MMP26: variants seen among roughly 807,000 people sequenced by gnomAD.
MMP26 encodes matrix metallopeptidase 26, also known as matrix metalloproteinase-26.
In MMP26, 33 loss-of-function variants were observed where a neutral mutation model predicts 31.0. That is an observed-to-expected ratio of 1.06 (90% CI 0.81 to 1.42). MMP26 has a LOEUF of 1.42. MMP26 is among the 40% of genes most tolerant of loss of function. MMP26 has a pLI of 0.00. For missense variants in MMP26, 347 were observed against 316.1 expected (o/e 1.10, Z -0.74); for synonymous variants, 122 against 114.9 (o/e 1.06, Z -0.40).
intron 2 of MMP26, among the ~76,000 whole-genome samples, chr11:4,978,738 C>T (rs960639400): frequency 2.0e-5 from 3 of 152,132 alleles, no homozygotes; most frequent in Non-Finnish European, 4.4e-5. Flanking sequence ...AGTGTAATTT[C>T]ATTACTTTGT....
rs1176183037 is a variant in MMP26 at position 4,781,343 on chromosome 11, C to T, written c.-145+14002C>T. On this transcript the variant is annotated intron_variant, in intron 2 of 7. Transcript: ENST00000380390. ...TGGGTGGATCATGAGGTCAGGAGATCGAGACCATCCTGGCTAACAAGGTGA... is the reference window on the plus strand; with the variant it reads ...TGGGTGGATCATGAGGTCAGGAGATTGAGACCATCCTGGCTAACAAGGTGA... Among the ~76,000 whole-genome samples the T allele has an allele frequency of 4.0e-4, 29 of 71,614 alleles. 3 individuals are homozygous for T. The highest frequency in any genetic ancestry group is 2.0e-4 in the East Asian group (1 of 4,964). 47.0% of individuals were successfully genotyped at this position (71,614 alleles called of 152,430 possible).
chr11:4,957,187 A>G (rs1846455798), intron 2 of MMP26, among the ~76,000 whole-genome samples: 1 of 152,204 alleles, frequency 6.6e-6, no homozygotes, highest in Non-Finnish European at 1.5e-5. Context: ...GCAATTTTTA[A>G]ATTAAGATAC....
chr11:4,864,724 C>G (rs1008805253), intron 2 of MMP26, among the ~76,000 whole-genome samples: 5 of 152,022 alleles, frequency 3.3e-5, no homozygotes, highest in African/African-American at 1.2e-4. Flanking sequence ...ATGCAACCCC[C>G]CTGAGTGTTA....
intron 1 of MMP26, chr11:4,736,525 T>A (rs1589886954): frequency 1.3e-5 from 2 of 152,374 alleles, no homozygotes; most frequent in South Asian, 4.1e-4. Flanking sequence ...TTGATCTTAT[T>A]GTCAGAACAT....
intron 1 of MMP26, among the ~76,000 whole-genome samples, chr11:4,740,925 T>C (rs1452411174): frequency 2.0e-5 from 3 of 152,172 alleles, no homozygotes; most frequent in Non-Finnish European, 4.4e-5. Context: ...TGCCAAGATG[T>C]ATTGAAAGGA....
At chr11:4,717,815 C>T (rs115865721) in intron 1 of MMP26, among the ~76,000 whole-genome samples, 62 of 152,246 alleles carry the variant, frequency 4.1e-4, no homozygotes, top group African/African-American at 1.4e-3. Context: ...GGTAACCCAG[C>T]TGGTAAATGT....
At chr11:4,760,027 TTCTTATCTAGCC>T (rs1263536398) in intron 1 of MMP26, among the ~76,000 whole-genome samples, 1 of 152,244 alleles carries the variant, frequency 6.6e-6, no homozygotes, top group Non-Finnish European at 1.5e-5. Context: ...AAAGGCCTTA[TTCTTATCTAGCC>T]TCTAATTAGT....
At chr11:4,754,016 A>C (rs1027193131) in intron 1 of MMP26, among the ~76,000 whole-genome samples, 2 of 151,972 alleles carry the variant, frequency 1.3e-5, no homozygotes. Context: ...TGTGTTAATG[A>C]TAAGACCATT....
At chr11:4,726,168 A>G (rs1848096646) in intron 1 of MMP26, among the ~76,000 whole-genome samples, 1 of 152,208 alleles carries the variant, frequency 6.6e-6, no homozygotes, top group African/African-American at 2.4e-5. Flanking sequence ...ATCTTATGAC[A>G]ATATCGAATA....
intron 2 of MMP26, among the ~76,000 whole-genome samples, chr11:4,972,239 G>T (rs1846675819): frequency 6.6e-6 from 1 of 152,130 alleles, no homozygotes; most frequent in African/African-American, 2.4e-5. Flanking sequence ...ACAATATGGA[G>T]ATAAATATGA....
intron 2 of MMP26, chr11:4,882,798 C>A (rs1292170694): frequency 1.9e-6 from 3 of 1,613,854 alleles, no homozygotes; most frequent in Non-Finnish European, 2.5e-6. Context: ...AAGACCAAGA[C>A]AATCCGCCAG....
intron 2 of MMP26, among the ~76,000 whole-genome samples, chr11:4,967,106 T>TGAAAG (rs1284496432): frequency 6.6e-6 from 1 of 152,162 alleles, no homozygotes; most frequent in Admixed American, 6.5e-5. Flanking sequence ...AAAGGTTTGG[T>TGAAAG]GAAAGGATAG....
chr11:4,814,874 T>C (rs1849399459), intron 2 of MMP26, among the ~76,000 whole-genome samples: 3 of 152,132 alleles, frequency 2.0e-5, no homozygotes, highest in Admixed American at 2.0e-4. Flanking sequence ...TCTCAATCAA[T>C]TTAGAAAATT....
At chr11:4,790,166 C>T (rs1849004498) in intron 2 of MMP26, among the ~76,000 whole-genome samples, 1 of 151,852 alleles carries the variant, frequency 6.6e-6, no homozygotes, top group Admixed American at 6.6e-5. Context: ...ATAGTGAAAC[C>T]CCGTCTCTAC....
intron 2 of MMP26, among the ~76,000 whole-genome samples, chr11:4,874,440 A>G (rs1482064269): frequency 6.6e-6 from 1 of 151,910 alleles, no homozygotes; most frequent in Non-Finnish European, 1.5e-5. Context: ...CTCCTATTTC[A>G]TTTATTTAAA....
intron 3 of MMP26, among the ~76,000 whole-genome samples, chr11:4,989,416 AT>A (rs1258498115): frequency 1.3e-5 from 2 of 152,164 alleles, no homozygotes; most frequent in Non-Finnish European, 2.9e-5. Flanking sequence ...TTTTAAAAAA[AT>A]GTTATAGTTT....
intron 2 of MMP26, chr11:4,915,682 G>T (rs181262895): frequency 1.3e-5 from 21 of 1,582,886 alleles, no homozygotes; most frequent in Non-Finnish European, 1.6e-5. Context: ...GAGACAAGGG[G>T]GAAGGTGGGT....
At chr11:4,790,380 A>G (rs901995793) in intron 2 of MMP26, among the ~76,000 whole-genome samples, 3 of 152,142 alleles carry the variant, frequency 2.0e-5, no homozygotes, top group African/African-American at 4.8e-5. Flanking sequence ...AGCAATTATT[A>G]AATAGTTTCA....
At chr11:4,708,283 G>A (rs771324073) in intron 1 of MMP26, among the ~76,000 whole-genome samples, 3 of 152,038 alleles carry the variant, frequency 2.0e-5, no homozygotes, top group African/African-American at 4.8e-5. Context: ...CTTTCTTTGC[G>A]TGTGTGTGAG....
Sources: gnomAD v4.1 joint callset for allele counts (sites outside exome capture counted in the v4.1 genomes callset) on GRCh38, gnomAD v4.1.1 for gene constraint, MANE v1.5 for transcripts, NCBI Gene and HGNC (gene_info 2026-07-23, HGNC 2026-07-21) for gene names.